Variants in MRTFA observed in about 807,000 individuals in gnomAD.
The protein encoded by MRTFA is myocardin-related transcription factor A.
Under a neutral mutation model 83.5 loss-of-function variants are expected in MRTFA, and 20 were observed. The ratio of observed to expected loss-of-function variants is 0.24; its 90% CI spans 0.17 to 0.35. MRTFA has a LOEUF of 0.35. Among genes scored for constraint, MRTFA ranks in the 10% least tolerant of loss-of-function variants. The probability of loss-of-function intolerance (pLI) is 1.00; values close to 1 mark genes in which losing one functional copy is unlikely to be tolerated. For synonymous variants in MRTFA, 659 were observed against 541.2 expected (o/e 1.22, Z -3.02); for missense variants, 1,200 against 1,224.7 (o/e 0.98, Z 0.30).
intron 3 of MRTFA, among the ~76,000 whole-genome samples, chr22:40,548,853 ACT>A (rs2055406042): frequency 1.3e-5 from 2 of 151,600 alleles, no homozygotes; most frequent in South Asian, 2.1e-4. Context: ...ACAGAGTGAG[ACT>A]CTGTCTCAAA....
At chr22:40,515,241 T>C (rs1041402118) in intron 3 of MRTFA, among the ~76,000 whole-genome samples, 3 of 152,118 alleles carry the variant, frequency 2.0e-5, no homozygotes, top group Admixed American at 6.5e-5. Flanking sequence ...ATTTCATTCA[T>C]TAACATATGT....
intron 4 of MRTFA, among the ~76,000 whole-genome samples, chr22:40,450,184 T>A (rs533370360): frequency 6.6e-6 from 1 of 152,332 alleles, no homozygotes; most frequent in Admixed American, 6.5e-5. Context: ...TCCCTGGAAC[T>A]ATGTGAATTT....
chr22:40,455,803 A>ATGTATGTAT (rs2053575509), intron 4 of MRTFA, among the ~76,000 whole-genome samples: 3 of 143,256 alleles, frequency 2.1e-5, no homozygotes, highest in Non-Finnish European at 1.5e-5. Context: ...ATGGTATCCC[A>ATGTATGTAT]GTATGTATGT....
At position 40,418,467 on chromosome 22, in the gene MRTFA, G is replaced by C; in HGVS notation, c.2271C>G (p.Thr757=). Reference sequence around the variant, plus strand: ...GGGTCCCTGTGGAGTCGGTGATGAGGGTGGGAGGTGCAACCCCCTTGATGA... The same window carrying C: ...GGGTCCCTGTGGAGTCGGTGATGAGCGTGGGAGGTGCAACCCCCTTGATGA... The change falls in exon 12 of 15, where the codon ACC becomes ACG. Residue 757 remains threonine (T), a synonymous_variant. Transcript: ENST00000355630. 6.2e-7 allele frequency: 1 copy of C among 1,613,686 alleles called. No individual in the cohort carries two copies. The highest frequency in any genetic ancestry group is 8.5e-7 in the Non-Finnish European group (1 of 1,179,778).
Position 40,411,382 on chromosome 22 carries a change from C to T in MRTFA, c.*8G>A. 6.5e-7 allele frequency: 1 copy of T among 1,544,304 alleles called. No homozygotes were observed. Among genetic ancestry groups the T allele is most frequent in the Non-Finnish European group, 8.8e-7 (1 of 1,137,678 alleles). ...AGCCCCTTCCCCACCCCGTCTTGAG[C>T]CAGAGAGCTACAAGCAGGAATCCCA... On this transcript the variant is annotated 3_prime_UTR_variant, in exon 15 of 15. Transcript: ENST00000355630.
At chr22:40,540,400 C>A (rs1016990350) in intron 3 of MRTFA, among the ~76,000 whole-genome samples, 11 of 152,114 alleles carry the variant, frequency 7.2e-5, no homozygotes, top group African/African-American at 2.7e-4. Context: ...GCACTCTCCC[C>A]ACCTTTCTCA....
chr22:40,435,485 A>T lies in MRTFA; in HGVS notation c.363+14T>A. 1 of 1,614,062 alleles carries T rather than the reference A, an allele frequency of 6.2e-7. No individual in the cohort carries two copies. Among genetic ancestry groups the T allele is most frequent in the Non-Finnish European group, 8.5e-7 (1 of 1,179,896 alleles). ...GCTCTTTGGGAGTTCTGAGGGGGAA[A>T]AAAGGTACCTTACCCTGGCCCGCTC... On this transcript the variant is annotated intron_variant, in intron 5 of 14. Coordinates refer to ENST00000355630, the MANE Select transcript of MRTFA (RefSeq NM_020831.6).
intron 4 of MRTFA, among the ~76,000 whole-genome samples, chr22:40,451,883 T>A (rs2053494166): frequency 6.6e-6 from 1 of 150,718 alleles, no homozygotes; most frequent in South Asian, 2.1e-4. Context: ...CCATAATCAA[T>A]ACGTCTAAGT....
At chr22:40,594,971 C>T (rs531995883) in intron 1 of MRTFA, among the ~76,000 whole-genome samples, 48 of 150,682 alleles carry the variant, frequency 3.2e-4, no homozygotes, top group African/African-American at 1.1e-3. Context: ...ATGCTAGATA[C>T]TGTTGCAAGT....
rs781300755 is a variant in MRTFA, at chr22:40,420,545, T to C, written c.1213A>G (p.Thr405Ala). 6.2e-7 allele frequency: 1 copy of C among 1,612,612 alleles called. No homozygotes were observed. The highest frequency in any genetic ancestry group is 1.1e-5 in the South Asian group (1 of 91,022). ...GTGGAGAGGCTGCGTACTGGGGGGGTCCCGCTGCTTCCCAGGGCCTCGCCT... is the reference window on the plus strand; with the variant it reads ...GTGGAGAGGCTGCGTACTGGGGGGGCCCCGCTGCTTCCCAGGGCCTCGCCT... The change falls in exon 11 of 15, where the codon ACC becomes GCC. Residue 405 changes from threonine to alanine, a missense_variant. Coordinates refer to ENST00000355630, the MANE Select transcript of MRTFA (RefSeq NM_020831.6).
chr22:40,570,505 G>C (rs373906331), intron 2 of MRTFA, among the ~76,000 whole-genome samples: 196 of 149,548 alleles, frequency 1.3e-3, no homozygotes, highest in African/African-American at 3.5e-3. Flanking sequence ...ATGAACCCAG[G>C]AGGTGGAGCT....
Position 40,410,314 on chromosome 22 carries a change from A to AGTT in MRTFA, c.*1073_*1075dup, listed in dbSNP as rs1360625273. The AGTT allele has an allele frequency of 4.9e-6, 2 of 407,756 alleles. No homozygotes were observed. The highest frequency in any genetic ancestry group is 7.2e-6 in the Non-Finnish European group (2 of 279,214). 25.3% of individuals were successfully genotyped at this position (407,756 alleles called of 1,614,324 possible). A position where few individuals can be genotyped will look rare whatever the true frequency, so the allele number is the denominator to read the frequency against. On this transcript the variant is annotated 3_prime_UTR_variant, in exon 15 of 15. Transcript: ENST00000355630. ...CTGTGTTTTTGTGTTTATTTTAAAA[A>AGTT]GTTCACACACCTTCCCCATCTTTGT...
chr22:40,570,968 T>C (rs188927254), intron 2 of MRTFA, among the ~76,000 whole-genome samples: 34 of 143,786 alleles, frequency 2.4e-4, no homozygotes, highest in African/African-American at 7.5e-4. Flanking sequence ...TGTGAGTGGA[T>C]TGCTTAAGCC....
intron 3 of MRTFA, among the ~76,000 whole-genome samples, chr22:40,514,192 A>G (rs1436588819): frequency 6.6e-6 from 1 of 152,020 alleles, no homozygotes; most frequent in Non-Finnish European, 1.5e-5. Context: ...CCAGGTTGGC[A>G]GTGAGCCAAG....
intron 4 of MRTFA, among the ~76,000 whole-genome samples, chr22:40,440,536 G>A (rs1569266370): frequency 6.6e-6 from 1 of 152,206 alleles, no homozygotes; most frequent in African/African-American, 2.4e-5. Context: ...CAGGTGAAAG[G>A]AGGAGGGAGC....
chr22:40,514,844 T>C (rs1471519619), intron 3 of MRTFA, among the ~76,000 whole-genome samples: 1 of 151,780 alleles, frequency 6.6e-6, no homozygotes, highest in East Asian at 1.9e-4. Context: ...TTTGGAGAAA[T>C]AGTTGGGTTG....
intron 1 of MRTFA, among the ~76,000 whole-genome samples, chr22:40,614,103 G>A (rs1379435289): frequency 1.3e-5 from 2 of 151,938 alleles, no homozygotes; most frequent in Non-Finnish European, 2.9e-5. Flanking sequence ...TCGGGAGGCT[G>A]AGGCAGGAGA....
intron 1 of MRTFA, among the ~76,000 whole-genome samples, chr22:40,633,971 C>T (rs909736319): frequency 1.3e-5 from 2 of 152,134 alleles, no homozygotes; most frequent in Non-Finnish European, 2.9e-5. Flanking sequence ...CTAGTTGCAG[C>T]CTATTTCCCT....
At chr22:40,632,790 C>T (rs2056655468) in intron 1 of MRTFA, among the ~76,000 whole-genome samples, 1 of 152,100 alleles carries the variant, frequency 6.6e-6, no homozygotes, top group Admixed American at 6.6e-5. Flanking sequence ...AAGCTGATTC[C>T]AAATTCCTGA....
Sources: allele counts gnomAD v4.1 joint callset (sites outside exome capture counted in the v4.1 genomes callset), GRCh38; gene constraint gnomAD v4.1.1; transcripts MANE v1.5; gene names NCBI Gene and HGNC (gene_info 2026-07-23, HGNC 2026-07-21).